ODAD2: variants seen among roughly 807,000 people sequenced by gnomAD.
ODAD2 encodes the protein outer dynein arm-docking complex subunit 2.
Under a neutral mutation model 106.8 loss-of-function variants are expected in ODAD2, and 89 were observed. That is an observed-to-expected ratio of 0.83 (90% CI 0.70 to 0.99). ODAD2 has a LOEUF of 0.99. Among genes scored for constraint, ODAD2 ranks in the 50% least tolerant of loss-of-function variants. ODAD2 has a pLI of 0.00. For missense variants in ODAD2, 1,168 were observed against 1,238.5 expected, an observed-to-expected ratio of 0.94 and a Z score of 0.85; for synonymous variants, 404 against 436.2, an observed-to-expected ratio of 0.93 and a Z score of 0.92.
intron 16 of ODAD2, among the ~76,000 whole-genome samples, chr10:27,911,930 A>C (rs1482056476): frequency 6.6e-6 from 1 of 152,126 alleles, no homozygotes; most frequent in African/African-American, 2.4e-5. Flanking sequence ...GCCTTTGCTT[A>C]CTCTTTTTCA....
In ODAD2 at chr10:27,812,603, G is replaced by T. The variant is rs754214367; in HGVS notation, c.3044C>A (p.Ser1015Tyr). 3 of 1,611,546 alleles carry T rather than the reference G, an allele frequency of 1.9e-6. No individual in the cohort carries two copies. Among genetic ancestry groups the T allele is most frequent in the Non-Finnish European group, 2.5e-6 (3 of 1,179,456 alleles). The change falls in exon 20 of 20, where the codon TCC becomes TAC. Residue 1015 changes from serine (S) to tyrosine (Y), a missense_variant. Ser to Tyr is a moderately radical substitution (Grantham distance 144). This residue lies in a region of ODAD2 where 701 missense variants were observed against 712.3 expected (regional missense o/e 0.98). Transcript: ENST00000305242. ...AGCTTCCTGGAGATCCTGGTCAGGG[G>T]ACCCAACCATATCCAGTAGAAGCTG... Reference protein sequence around the residue: ...AVKLLLDMVGSPDQDLQEAAA... With the variant: ...AVKLLLDMVGYPDQDLQEAAA...
chr10:27,835,701 G>A (rs1044574282), intron 19 of ODAD2, among the ~76,000 whole-genome samples: 2 of 152,120 alleles, frequency 1.3e-5, no homozygotes, highest in Non-Finnish European at 2.9e-5. Flanking sequence ...AGAATAAAAT[G>A]TTATGCAGAA....
intron 16 of ODAD2, among the ~76,000 whole-genome samples, chr10:27,923,110 T>G (rs1207283848): frequency 6.6e-6 from 1 of 152,156 alleles, no homozygotes; most frequent in Non-Finnish European, 1.5e-5. Flanking sequence ...GCAAATCTTA[T>G]AGCAAAATAT....
At chr10:27,909,459 A>G (rs905032627) in intron 16 of ODAD2, among the ~76,000 whole-genome samples, 3 of 152,130 alleles carry the variant, frequency 2.0e-5, no homozygotes, top group Non-Finnish European at 2.9e-5. Flanking sequence ...CCCAAACCTT[A>G]GGCAATTCAT....
chr10:27,875,519 C>T (rs1335525712), intron 17 of ODAD2, among the ~76,000 whole-genome samples: 1 of 152,142 alleles, frequency 6.6e-6, no homozygotes, highest in East Asian at 1.9e-4. Flanking sequence ...TGGTGATGTA[C>T]AGATGGGGTT....
chr10:27,920,348 TCTCACAGTAAATAGTACTGAGAAGCCCA>T (rs1453466405), intron 16 of ODAD2, among the ~76,000 whole-genome samples: 6 of 152,198 alleles, frequency 3.9e-5, no homozygotes, highest in Non-Finnish European at 5.9e-5. Context: ...ACGTATGCGC[TCTCACAGTAAATAGTACTGAGAAGCCCA>T]CTCACAGTAA....
chr10:27,813,463 T>TA lies in ODAD2; in HGVS notation c.3022-839dup, dbSNP rs1292709612. The TA allele has an allele frequency of 2.6e-5, 4 of 152,248 alleles. No homozygotes were observed. In the East Asian group the frequency reaches 7.7e-4, roughly 29 times the overall value. The allele number at this position is 152,248 out of a possible 1,614,324, so 9.4% of individuals were successfully genotyped here. On this transcript the variant is annotated intron_variant, in intron 19 of 19. Transcript: ENST00000305242. ...AATGCTTAAAGAAACGTACAGTATC[T>TA]AATGCATAGAAGACAAACAAATGAA... is the stretch of plus-strand genomic sequence containing the variant.
chr10:27,920,432 A>G (rs1242911328), intron 16 of ODAD2, among the ~76,000 whole-genome samples: 1 of 152,218 alleles, frequency 6.6e-6, no homozygotes, highest in African/African-American at 2.4e-5. Flanking sequence ...ATGCGTGCAT[A>G]TCACAACTGG....
chr10:27,907,521 T>C, intron 17 of ODAD2, 142 bp downstream of exon 17: 4 of 521,000 alleles, frequency 7.7e-6, no homozygotes, highest in Non-Finnish European at 1.3e-5. Context: ...TCCGAAATTA[T>C]TTTGGCATAA....
chr10:27,969,368 G>A lies in ODAD2; in HGVS notation c.1143-350C>T, dbSNP rs1848679815. Among the ~76,000 whole-genome samples, 6 of 152,232 alleles carry A rather than the reference G, an allele frequency of 3.9e-5. No homozygotes were observed. In the South Asian group the frequency reaches 1.2e-3, roughly 32 times the overall value. ...ATCTTCCCCACCCAACGTTGCAACA[G>A]GGCCTGCACCTGGTTTTCCAGGTAT... On this transcript the variant is annotated intron_variant, in intron 8 of 19. Transcript: ENST00000305242.
chr10:27,968,107 A>G (rs1233087605), intron 9 of ODAD2, among the ~76,000 whole-genome samples: 1 of 151,874 alleles, frequency 6.6e-6, no homozygotes. Context: ...TCAACAAGCT[A>G]TATGAACATG....
At chr10:27,867,944 G>A (rs1488383345) in intron 17 of ODAD2, among the ~76,000 whole-genome samples, 2 of 149,990 alleles carry the variant, frequency 1.3e-5, no homozygotes, top group Non-Finnish European at 3.0e-5. Flanking sequence ...GCAAAACTCT[G>A]TCTCAAAAAG....
At chr10:27,993,713 A>C (rs1251872152) in intron 2 of ODAD2, among the ~76,000 whole-genome samples, 2 of 152,132 alleles carry the variant, frequency 1.3e-5, no homozygotes, top group Non-Finnish European at 2.9e-5. Context: ...TGACCAATAG[A>C]AGAATTAAAG....
intron 8 of ODAD2, 25 bp downstream of exon 8, chr10:27,971,083 A>C (rs781633507): frequency 6.5e-7 from 1 of 1,547,424 alleles, no homozygotes; most frequent in Non-Finnish European, 8.9e-7. Flanking sequence ...GCTGCATCTG[A>C]AAACAAATGC....
chr10:27,823,508 A>C (rs552572787), intron 19 of ODAD2, among the ~76,000 whole-genome samples: 1 of 152,324 alleles, frequency 6.6e-6, no homozygotes, highest in East Asian at 1.9e-4. Context: ...TAGTTTTCTT[A>C]TCAGTAAAAT....
At chr10:27,824,226 G>A (rs990352260) in intron 19 of ODAD2, among the ~76,000 whole-genome samples, 2 of 151,744 alleles carry the variant, frequency 1.3e-5, no homozygotes, top group African/African-American at 2.4e-5. Flanking sequence ...TCTAGTCTAG[G>A]AGAACATCAA....
chr10:27,885,336 C>G (rs1047639631), intron 17 of ODAD2, among the ~76,000 whole-genome samples: 1 of 147,568 alleles, frequency 6.8e-6, no homozygotes, highest in Non-Finnish European at 1.5e-5. Context: ...GTGGTGAAAC[C>G]CTGTCTCTAC....
intron 19 of ODAD2, among the ~76,000 whole-genome samples, chr10:27,841,051 A>G (rs1056440641): frequency 1.4e-4 from 22 of 152,350 alleles, no homozygotes; most frequent in Non-Finnish European, 2.5e-4. Context: ...AAAATAGATC[A>G]ACCTGAAATA....
intron 10 of ODAD2, among the ~76,000 whole-genome samples, chr10:27,959,587 G>A (rs1393212723): frequency 2.0e-5 from 3 of 152,244 alleles, no homozygotes; most frequent in South Asian, 2.1e-4. Flanking sequence ...GGAAGTGCAG[G>A]AGCATGTGGC....
Sources: gnomAD v4.1 joint callset for allele counts (sites outside exome capture counted in the v4.1 genomes callset) on GRCh38, gnomAD v4.1.1 for gene constraint, gnomAD v4.1.1 regional missense constraint, MANE v1.5 for transcripts, NCBI Gene and HGNC (gene_info 2026-07-23, HGNC 2026-07-21) for gene names.